Variants in SRD5A3 observed in about 807,000 individuals in gnomAD.
The protein encoded by SRD5A3 is steroid 5 alpha-reductase 3.
In SRD5A3, 24 loss-of-function variants were observed where a neutral mutation model predicts 34.3. That is an observed-to-expected ratio of 0.70 (90% CI 0.51 to 0.99). SRD5A3 has a LOEUF of 0.99. Among genes scored for constraint, SRD5A3 ranks in the 50% least tolerant of loss-of-function variants. SRD5A3 has a pLI of 0.00. For synonymous variants in SRD5A3, 161 were observed against 167.3 expected (o/e 0.96, Z 0.29); for missense variants, 350 against 388.2 (o/e 0.90, Z 0.83).
At chr4:55,368,539 C>G (rs1719995496) in intron 4 of SRD5A3, among the ~76,000 whole-genome samples, 1 of 146,468 alleles carries the variant, frequency 6.8e-6, no homozygotes, top group African/African-American at 2.5e-5. Flanking sequence ...ATTCTCCCGC[C>G]TCAGCCTCTC....
intron 1 of SRD5A3, among the ~76,000 whole-genome samples, chr4:55,352,585 G>C (rs1719237957): frequency 6.6e-6 from 1 of 152,180 alleles, no homozygotes; most frequent in South Asian, 2.1e-4. Context: ...CACCTGACTG[G>C]TAATAAGGAC....
intron 2 of SRD5A3, among the ~76,000 whole-genome samples, chr4:55,361,632 G>A (rs1189041070): frequency 1.3e-5 from 2 of 151,946 alleles, no homozygotes; most frequent in African/African-American, 2.4e-5. Context: ...TGAAACCCCC[G>A]TCTCTACTAA....
At chr4:55,355,584 G>C (rs182822006) in intron 1 of SRD5A3, among the ~76,000 whole-genome samples, 29 of 152,252 alleles carry the variant, frequency 1.9e-4, no homozygotes, top group African/African-American at 7.0e-4. Context: ...AGCGCAGCAC[G>C]GTGTAGCTTA....
At chr4:55,359,639 C>A in intron 2 of SRD5A3, 151 bp downstream of exon 2, 1 of 1,038,336 alleles carries the variant, frequency 9.6e-7, no homozygotes, top group Non-Finnish European at 1.4e-6. Context: ...GAGCTTTGCA[C>A]GGTTCATTGC....
At chr4:55,357,286 A>G (rs982907617) in intron 1 of SRD5A3, among the ~76,000 whole-genome samples, 7 of 152,366 alleles carry the variant, frequency 4.6e-5, no homozygotes, top group Middle Eastern at 6.8e-3. Flanking sequence ...AGCTTCTAGA[A>G]TATTGCCCAA....
chr4:55,368,873 G>T (rs950689052), intron 4 of SRD5A3, among the ~76,000 whole-genome samples: 4 of 151,966 alleles, frequency 2.6e-5, no homozygotes, highest in African/African-American at 4.8e-5. Context: ...CAAGTAGTTG[G>T]GATTACAGGC....
At chr4:55,364,331 G>A in intron 3 of SRD5A3, 60 bp downstream of exon 3, 2 of 1,567,138 alleles carry the variant, frequency 1.3e-6, no homozygotes, top group Non-Finnish European at 1.8e-6. Flanking sequence ...GCGCTCTCGG[G>A]GCTTGTGCTG....
At chr4:55,364,784 G>C (rs1471287904) in intron 3 of SRD5A3, 1 of 180,650 alleles carries the variant, frequency 5.5e-6, no homozygotes, top group Non-Finnish European at 1.2e-5. Context: ...AGAGGGGGTG[G>C]GGAGCCATTT....
At chr4:55,368,318 G>T (rs1719981442) in intron 4 of SRD5A3, among the ~76,000 whole-genome samples, 1 of 151,336 alleles carries the variant, frequency 6.6e-6, no homozygotes, top group South Asian at 2.1e-4. Context: ...GGCGGAGGTT[G>T]CAGTGAGCTG....
rs752307253 is a variant in SRD5A3 at position 55,364,273 on chromosome 4, TG to T, written c.562+3del. The T allele has an allele frequency of 1.5e-5, 24 of 1,613,802 alleles. No individual in the cohort carries two copies. Among genetic ancestry groups the T allele is most frequent in the Non-Finnish European group, 1.9e-5 (23 of 1,180,012 alleles). Reference sequence around the variant, plus strand: ...AAGTGCCAATGGATGGCAGGAATGGTGAGTGGATCCAGCCCTGCCAGGAGCT... The same window carrying T: ...AAGTGCCAATGGATGGCAGGAATGGTAGTGGATCCAGCCCTGCCAGGAGCT... On this transcript the variant is annotated splice_donor_region_variant and intron_variant, in intron 3 of 4. Transcript: ENST00000264228.
chr4:55,359,340 T>C lies in SRD5A3; in HGVS notation c.222-6T>C. 3 of 1,614,064 alleles carry C rather than the reference T, an allele frequency of 1.9e-6. No homozygotes were observed. The highest frequency in any genetic ancestry group is 2.5e-6 in the Non-Finnish European group (3 of 1,180,030). On this transcript the variant is annotated splice_region_variant and splice_polypyrimidine_tract_variant and intron_variant, in intron 1 of 4. Coordinates refer to ENST00000264228, the MANE Select transcript of SRD5A3 (RefSeq NM_024592.5). ...AATTATTGCCTCGCTTGTTTTCCTT[T>C]TGCAGATATTTTTCCCACTTTTATA...
chr4:55,350,151 C>T (rs902955134), intron 1 of SRD5A3, among the ~76,000 whole-genome samples: 2 of 152,020 alleles, frequency 1.3e-5, no homozygotes, highest in African/African-American at 2.4e-5. Flanking sequence ...GGGTGGATCA[C>T]CTGAGGTCCG....
At chr4:55,347,810 A>G (rs979475556) in intron 1 of SRD5A3, among the ~76,000 whole-genome samples, 2 of 152,198 alleles carry the variant, frequency 1.3e-5, no homozygotes, top group Admixed American at 6.5e-5. Context: ...AGAAGGGAGA[A>G]CTAGGTCATT....
intron 1 of SRD5A3, among the ~76,000 whole-genome samples, chr4:55,355,331 G>C (rs928526193): frequency 6.6e-6 from 1 of 152,004 alleles, no homozygotes; most frequent in Non-Finnish European, 1.5e-5. Flanking sequence ...GGTGGCGGGC[G>C]CCTATAGTTC....
chr4:55,362,175 T>C (rs1334469537), intron 2 of SRD5A3, among the ~76,000 whole-genome samples: 3 of 151,642 alleles, frequency 2.0e-5, no homozygotes, highest in Non-Finnish European at 4.4e-5. Flanking sequence ...TTGCCCAGGC[T>C]GGAGTGCAGT....
At chr4:55,360,855 A>G (rs1193294149) in intron 2 of SRD5A3, among the ~76,000 whole-genome samples, 1 of 151,744 alleles carries the variant, frequency 6.6e-6, no homozygotes, top group Non-Finnish European at 1.5e-5. Context: ...CGCCCAGCTA[A>G]TTTTGTATTT....
At chr4:55,348,428 T>A (rs1430568061) in intron 1 of SRD5A3, among the ~76,000 whole-genome samples, 1 of 152,240 alleles carries the variant, frequency 6.6e-6, no homozygotes, top group Admixed American at 6.5e-5. Flanking sequence ...CCCCTGTTTA[T>A]ATGAAATAGG....
intron 1 of SRD5A3, among the ~76,000 whole-genome samples, chr4:55,349,441 T>C (rs1719108098): frequency 6.6e-6 from 1 of 152,244 alleles, no homozygotes; most frequent in African/African-American, 2.4e-5. Context: ...TAGGTAATTT[T>C]GTTTGGGATT....
intron 1 of SRD5A3, 49 bp downstream of exon 1, chr4:55,346,606 C>G (rs1719007883): frequency 3.4e-6 from 5 of 1,474,854 alleles, no homozygotes; most frequent in Non-Finnish European, 4.5e-6. Flanking sequence ...GCTGAGAGTT[C>G]GGGGCGCCCC....
Sources: allele counts gnomAD v4.1 joint callset (sites outside exome capture counted in the v4.1 genomes callset), GRCh38; gene constraint gnomAD v4.1.1; transcripts MANE v1.5; gene names NCBI Gene and HGNC (gene_info 2026-07-23, HGNC 2026-07-21).